The following PDS5A variants were observed in gnomAD, a reference collection of about 807,000 sequenced individuals.
PDS5A encodes the protein PDS5 cohesin associated factor A.
Under a neutral mutation model 167.1 loss-of-function variants are expected in PDS5A, and 42 were observed. That is an observed-to-expected ratio of 0.25 (90% CI 0.20 to 0.33). PDS5A has a LOEUF of 0.33. Among genes scored for constraint, PDS5A ranks in the 10% least tolerant of loss-of-function variants. The pLI, the probability that PDS5A is intolerant of heterozygous loss-of-function variation, is 1.00. For missense variants in PDS5A, 1,033 were observed against 1,605.9 expected, an observed-to-expected ratio of 0.64 and a Z score of 6.10; for synonymous variants, 553 against 554.6, an observed-to-expected ratio of 1.00 and a Z score of 0.04.
intron 32 of PDS5A, among the ~76,000 whole-genome samples, chr4:39,831,300 C>G (rs1200071158): frequency 1.3e-5 from 2 of 152,098 alleles, no homozygotes; most frequent in African/African-American, 2.4e-5. Flanking sequence ...GGAGTTTCAC[C>G]ATATTGGCCA....
intron 26 of PDS5A, among the ~76,000 whole-genome samples, chr4:39,860,823 ACTT>A (rs1277361828): frequency 1.3e-5 from 2 of 152,112 alleles, no homozygotes; most frequent in Non-Finnish European, 2.9e-5. Context: ...TAATCCTAGC[ACTT>A]CAGGAAGCTG....
intron 2 of PDS5A, among the ~76,000 whole-genome samples, chr4:39,938,282 C>G (rs536876481): frequency 3.3e-5 from 5 of 152,144 alleles, no homozygotes; most frequent in African/African-American, 7.2e-5. Flanking sequence ...GGGCCGGGCA[C>G]GGTGGCTCAC....
intron 10 of PDS5A, 152 bp downstream of exon 10, chr4:39,910,092 G>T (rs926518686): frequency 2.1e-6 from 1 of 474,812 alleles, no homozygotes; most frequent in Non-Finnish European, 3.7e-6. Flanking sequence ...TTTATTACAT[G>T]AACATGAAAT....
intron 19 of PDS5A, among the ~76,000 whole-genome samples, chr4:39,875,566 G>C (rs1175253681): frequency 6.6e-6 from 1 of 152,120 alleles, no homozygotes; most frequent in East Asian, 1.9e-4. Flanking sequence ...TATACTGCAG[G>C]CTCCAGGCCA....
chr4:39,962,063 G>GT (rs113091640), intron 2 of PDS5A, among the ~76,000 whole-genome samples: 41,925 of 145,968 alleles, frequency 0.29, 6,291 homozygotes, highest in South Asian at 0.37. Flanking sequence ...CTGAGTTTTT[G>GT]TTTTTTTTTT....
At position 39,924,034 on chromosome 4, in the gene PDS5A, C is replaced by T. The variant is rs1367014860; in HGVS notation, c.528-1286G>A. Among the ~76,000 whole-genome samples the T allele has an allele frequency of 2.0e-5, 3 of 152,074 alleles. No individual in the cohort carries two copies. The East Asian group carries it at 5.8e-4, about 29-fold the overall frequency. The stretch of plus-strand genomic sequence containing the variant: ...ACAGACAAATGAAAAATCAATAAAG[C>T]ATAAAATATAAGGCCAAGAATCACT... On this transcript the variant is annotated intron_variant, in intron 5 of 32. Transcript: ENST00000303538.
intron 2 of PDS5A, among the ~76,000 whole-genome samples, chr4:39,951,001 T>C (rs1346794164): frequency 6.6e-6 from 1 of 151,674 alleles, no homozygotes. Flanking sequence ...CCTCCTGGGC[T>C]CAAGCAATCC....
At chr4:39,971,434 G>C (rs1325664109) in intron 2 of PDS5A, among the ~76,000 whole-genome samples, 1 of 151,582 alleles carries the variant, frequency 6.6e-6, no homozygotes, top group Non-Finnish European at 1.5e-5. Flanking sequence ...GAGATTACAG[G>C]CGTGAGCCAC....
intron 9 of PDS5A, among the ~76,000 whole-genome samples, chr4:39,913,241 C>T (rs1169532710): frequency 6.6e-6 from 1 of 151,990 alleles, no homozygotes; most frequent in African/African-American, 2.4e-5. Flanking sequence ...CCGGTCACCA[C>T]CCCTGGTTAA....
chr4:39,907,432 AAAT>A (rs1723479867), intron 11 of PDS5A, among the ~76,000 whole-genome samples: 1 of 152,278 alleles, frequency 6.6e-6, no homozygotes, highest in African/African-American at 2.4e-5. Context: ...ACCTCAAATA[AAAT>A]AATAGCATGT....
intron 26 of PDS5A, among the ~76,000 whole-genome samples, chr4:39,856,997 G>A (rs961616441): frequency 1.3e-5 from 2 of 152,088 alleles, no homozygotes; most frequent in Middle Eastern, 3.2e-3. Flanking sequence ...AAACAAATTT[G>A]CTACTATTCA....
chr4:39,901,281 T>TC (rs1221823645), intron 13 of PDS5A, among the ~76,000 whole-genome samples: 1 of 146,238 alleles, frequency 6.8e-6, no homozygotes, highest in Non-Finnish European at 1.5e-5. Flanking sequence ...TTTTTTTTTT[T>TC]TTTTTGAGAC....
chr4:39,944,010 T>C (rs1727494577), intron 2 of PDS5A, among the ~76,000 whole-genome samples: 1 of 150,964 alleles, frequency 6.6e-6, no homozygotes, highest in Non-Finnish European at 1.5e-5. Context: ...ACCCCATCTC[T>C]ACTAAAAAAA....
intron 2 of PDS5A, among the ~76,000 whole-genome samples, chr4:39,957,655 G>A (rs1302949176): frequency 6.6e-6 from 1 of 151,700 alleles, no homozygotes; most frequent in African/African-American, 2.4e-5. Flanking sequence ...GCGTGGTGGC[G>A]GGCGCCTGTA....
At chr4:39,926,243 C>T (rs556690228) in intron 4 of PDS5A, among the ~76,000 whole-genome samples, 2 of 151,932 alleles carry the variant, frequency 1.3e-5, no homozygotes, top group African/African-American at 2.4e-5. Flanking sequence ...AGATAGAGGC[C>T]GGGCCCGGTG....
At chr4:39,906,602 G>T (rs928477627) in intron 11 of PDS5A, among the ~76,000 whole-genome samples, 1 of 150,342 alleles carries the variant, frequency 6.7e-6, no homozygotes, top group Admixed American at 6.6e-5. Flanking sequence ...AAAAAAATCT[G>T]TGTATTAAAA....
intron 32 of PDS5A, among the ~76,000 whole-genome samples, chr4:39,825,968 T>C (rs1715267200): frequency 6.6e-6 from 1 of 152,180 alleles, no homozygotes; most frequent in African/African-American, 2.4e-5. Flanking sequence ...TTAAAGAGCC[T>C]TTCCCTAAAC....
At chr4:39,876,861 A>G in intron 19 of PDS5A, 132 bp downstream of exon 19, 1 of 586,834 alleles carries the variant, frequency 1.7e-6, no homozygotes, top group Non-Finnish European at 2.9e-6. Context: ...AGAGGAGGAC[A>G]CAGAAAAGTA....
At chr4:39,852,578 T>G (rs528869946) in intron 26 of PDS5A, among the ~76,000 whole-genome samples, 4 of 152,278 alleles carry the variant, frequency 2.6e-5, no homozygotes, top group Admixed American at 2.6e-4. Context: ...TGCCTTGCAT[T>G]CCCCTAAAAG....
Sources: allele counts gnomAD v4.1 joint callset (sites outside exome capture counted in the v4.1 genomes callset), GRCh38; gene constraint gnomAD v4.1.1; transcripts MANE v1.5; gene names NCBI Gene and HGNC (gene_info 2026-07-23, HGNC 2026-07-21).